ROS1: variants seen among roughly 807,000 people sequenced by gnomAD.
ROS1 encodes the protein proto-oncogene tyrosine-protein kinase ROS.
A neutral mutation model predicts 273.5 loss-of-function variants in ROS1; 263 were observed. The observed-to-expected ratio is 0.96, with a 90% CI of 0.87 to 1.06. ROS1 has a LOEUF of 1.06. Ranked by LOEUF, ROS1 falls within the 50% of genes least tolerant of loss-of-function variation. The pLI is 0.00. For missense variants in ROS1, 2,833 were observed against 2,751.1 expected, an observed-to-expected ratio of 1.03 and a Z score of -0.67; for synonymous variants, 1,008 against 954.1, an observed-to-expected ratio of 1.06 and a Z score of -1.04.
chr6:117,313,477 G>A (rs1432358279), intron 39 of ROS1, among the ~76,000 whole-genome samples: 2 of 151,792 alleles, frequency 1.3e-5, no homozygotes, highest in African/African-American at 2.4e-5. Flanking sequence ...GGAGGCTGAG[G>A]CAAGAGAATT....
rs768416995 is a variant in ROS1, at chr6:117,341,652, A to G, written c.4652-20T>C. 1 of 1,562,322 alleles carries G rather than the reference A, an allele frequency of 6.4e-7. No homozygotes were observed. Among genetic ancestry groups the G allele is most frequent in the Non-Finnish European group, 8.8e-7 (1 of 1,133,770 alleles). ...CTGGTACTGAAATAAATAGCAAGGA[A>G]TGATAAAGGATGCTGCAATAGCACT... On this transcript the variant is annotated intron_variant, in intron 29 of 43. Transcript: ENST00000368507.
chr6:117,355,414 A>G (rs1022878965), intron 26 of ROS1, among the ~76,000 whole-genome samples: 4 of 152,138 alleles, frequency 2.6e-5, no homozygotes, highest in African/African-American at 9.7e-5. Context: ...ACCTATATAC[A>G]ATTATAACAC....
chr6:117,401,803 TAAAAAAAAAA>T (rs35593860), intron 7 of ROS1, among the ~76,000 whole-genome samples: 1 of 89,186 alleles, frequency 1.1e-5, no homozygotes, highest in African/African-American at 4.4e-5. Context: ...AACTTTTCAG[TAAAAAAAAAA>T]AAAAAAAAAA....
In ROS1 at chr6:117,387,873, T is replaced by C; in HGVS notation, c.1906A>G (p.Ser636Gly). 2 of 1,614,216 alleles carry C rather than the reference T, an allele frequency of 1.2e-6. No homozygotes were observed. Among genetic ancestry groups the C allele is most frequent in the East Asian group, 2.2e-5 (1 of 44,884 alleles). Residue 636 changes from serine (S) to glycine (G), a missense_variant, in exon 14 of 44, where the codon AGT (serine) becomes GGT (glycine). Coordinates refer to ENST00000368507, the MANE Select transcript of ROS1 (RefSeq NM_001378902.1). Reference sequence around the variant, plus strand: ...ACAGAAACCTTGTATTTCATAGCACTCTGCAGCTCAGGTACATTCAGCATG... The same window carrying C: ...ACAGAAACCTTGTATTTCATAGCACCCTGCAGCTCAGGTACATTCAGCATG... Reference protein sequence around the residue: ...GTMLNVPELQSAMKYKVSVRA... With the variant: ...GTMLNVPELQGAMKYKVSVRA...
rs749533554 is a variant in ROS1 at position 117,365,627 on chromosome 6, T to C, written c.2912A>G (p.Asp971Gly). The C allele has an allele frequency of 6.2e-7, 1 of 1,612,692 alleles. No individual in the cohort carries two copies. Among genetic ancestry groups the C allele is most frequent in the Admixed American group, 1.7e-5 (1 of 59,984 alleles). ...TACACTGTAGAAAACTACACCCCAGTCTACCGCAGGGGGACCATTCCACAG... is the reference window on the plus strand; with the variant it reads ...TACACTGTAGAAAACTACACCCCAGCCTACCGCAGGGGGACCATTCCACAG... ...QILWNGPPAVDWGVVFYSVEF... is the reference protein window; with the variant it reads ...QILWNGPPAVGWGVVFYSVEF... Residue 971 changes from aspartate to glycine, a missense_variant, in exon 20 of 44, where the codon GAC becomes GGC. By Grantham distance (94) the Asp-to-Gly change is moderately conservative. Coordinates refer to ENST00000368507, the MANE Select transcript of ROS1 (RefSeq NM_001378902.1).
chr6:117,297,156 A>G (rs956095544), intron 43 of ROS1, among the ~76,000 whole-genome samples: 3 of 152,136 alleles, frequency 2.0e-5, no homozygotes, highest in African/African-American at 7.2e-5. Context: ...TGCTGGGGAA[A>G]TTGGATATAT....
At chr6:117,383,968 T>C (rs542604988) in intron 16 of ROS1, among the ~76,000 whole-genome samples, 2 of 152,344 alleles carry the variant, frequency 1.3e-5, no homozygotes, top group East Asian at 3.9e-4. Context: ...TCTTTAAAAA[T>C]ATAAACTCCT....
intron 11 of ROS1, 62 bp downstream of exon 11, chr6:117,394,100 A>G: frequency 9.2e-7 from 1 of 1,083,168 alleles, no homozygotes. Flanking sequence ...TATTAAATAT[A>G]CCAAGATATG....
At chr6:117,312,028 G>A (rs1333988135) in intron 39 of ROS1, among the ~76,000 whole-genome samples, 21 of 151,936 alleles carry the variant, frequency 1.4e-4, no homozygotes, top group Non-Finnish European at 2.9e-4. Context: ...ATGAATTCCT[G>A]AGCACAGCCT....
Position 117,403,017 on chromosome 6 carries a change from C to A in ROS1, c.604+122G>T, listed in dbSNP as rs74476686. ...TACTACCTGGCACATAGTTATGTAC[C>A]CAGTTGTTGAATGGATCGATTAATA... is the stretch of plus-strand genomic sequence containing the variant. On this transcript the variant is annotated intron_variant, in intron 7 of 43. Coordinates refer to ENST00000368507, the MANE Select transcript of ROS1 (RefSeq NM_001378902.1). 4,083 of 1,061,372 alleles carry A rather than the reference C, an allele frequency of 3.8e-3. 98 individuals carry two copies. The African/African-American group carries it at 0.057, about 15-fold the overall frequency. 65.7% of individuals were successfully genotyped at this position (1,061,372 alleles called of 1,614,324 possible).
At chr6:117,355,502 G>A (rs368167335) in intron 26 of ROS1, among the ~76,000 whole-genome samples, 1 of 152,070 alleles carries the variant, frequency 6.6e-6, no homozygotes, top group Non-Finnish European at 1.5e-5. Context: ...TGATGAAAAC[G>A]TTTTATACCT....
Position 117,324,332 on chromosome 6 carries a change from C to A in ROS1, c.5623G>T (p.Val1875Phe), listed in dbSNP as rs2128574826. Residue 1875 changes from valine (V) to phenylalanine (F), a missense_variant and splice_region_variant, in exon 35 of 44, where the codon GTC becomes TTC. Coordinates refer to ENST00000368507, the MANE Select transcript of ROS1 (RefSeq NM_001378902.1). Reference sequence around the variant, plus strand: ...ATTTTAAAAATTCTATTATACTTACCAAAGGTCAGTGGGATTGTAACAACC... The same window carrying A: ...ATTTTAAAAATTCTATTATACTTACAAAAGGTCAGTGGGATTGTAACAACC... ...FLVVTIPLTF[V>F]WHRRLKNQKS... 6.9e-7 allele frequency: 1 copy of A among 1,446,338 alleles called. No individual in the cohort carries two copies. Among genetic ancestry groups the A allele is most frequent in the Non-Finnish European group, 9.6e-7 (1 of 1,039,852 alleles). 89.6% of individuals were successfully genotyped at this position (1,446,338 alleles called of 1,614,324 possible).
chr6:117,397,070 G>C lies in ROS1; in HGVS notation c.651C>G (p.Pro217=). The C allele has an allele frequency of 1.2e-6, 2 of 1,613,822 alleles. No individual in the cohort carries two copies. The highest frequency in any genetic ancestry group is 1.7e-6 in the Non-Finnish European group (2 of 1,179,780). The change falls in exon 8 of 44, where the codon CCC becomes CCG. Residue 217 remains proline, a synonymous_variant. Transcript: ENST00000368507. ...PLIRNIESSS[P]DTVEVSWDPP... The stretch of plus-strand genomic sequence containing the variant: ...GATCCCAGCTGACTTCCACAGTGTC[G>C]GGACTTGAGCTCTCAATATTCCTAA...
chr6:117,392,649 C>G (rs1315661562), intron 12 of ROS1, among the ~76,000 whole-genome samples: 1 of 152,150 alleles, frequency 6.6e-6, no homozygotes, highest in African/African-American at 2.4e-5. Flanking sequence ...CATGATATTA[C>G]TTGCTTCAGG....
At chr6:117,371,171 T>C (rs910091016) in intron 18 of ROS1, among the ~76,000 whole-genome samples, 4 of 152,166 alleles carry the variant, frequency 2.6e-5, no homozygotes, top group South Asian at 4.1e-4. Flanking sequence ...CACAGGAACA[T>C]ACCAGGAAAG....
At chr6:117,385,143 C>A (rs1189236796) in intron 16 of ROS1, among the ~76,000 whole-genome samples, 1 of 152,096 alleles carries the variant, frequency 6.6e-6, no homozygotes, top group African/African-American at 2.4e-5. Flanking sequence ...CATGTTCCTG[C>A]CAAGAACCAA....
chr6:117,330,578 G>T (rs1264090390), intron 32 of ROS1, among the ~76,000 whole-genome samples: 3 of 152,206 alleles, frequency 2.0e-5, no homozygotes, highest in African/African-American at 7.2e-5. Flanking sequence ...CTGGCATCAG[G>T]TTGGTGCCCC....
chr6:117,359,356 T>G (rs1239991045), intron 24 of ROS1, among the ~76,000 whole-genome samples: 1 of 152,178 alleles, frequency 6.6e-6, no homozygotes, highest in Non-Finnish European at 1.5e-5. Context: ...TCATTTAATC[T>G]TCATGGGAAC....
intron 35 of ROS1, among the ~76,000 whole-genome samples, chr6:117,321,971 T>A (rs1317732800): frequency 6.6e-6 from 1 of 151,690 alleles, no homozygotes; most frequent in Non-Finnish European, 1.5e-5. Context: ...GAATCATGAG[T>A]AATTTGTACT....
Sources: allele counts gnomAD v4.1 joint callset (sites outside exome capture counted in the v4.1 genomes callset), GRCh38; gene constraint gnomAD v4.1.1; transcripts MANE v1.5; gene names NCBI Gene and HGNC (gene_info 2026-07-23, HGNC 2026-07-21).